The following BCL9 variants were observed in gnomAD, a reference collection of about 807,000 sequenced individuals.
BCL9 encodes BCL9 transcription coactivator, also known as B-cell CLL/lymphoma 9 protein.
BCL9 carries 25 observed loss-of-function variants against 88.5 expected under a neutral mutation model. The observed-to-expected ratio is 0.28, with a 90% CI of 0.21 to 0.39. The LOEUF is 0.39. Ranked by LOEUF, BCL9 falls within the 10% of genes least tolerant of loss-of-function variation. The pLI is 1.00. For missense variants in BCL9, 1,817 were observed against 1,877.8 expected (o/e 0.97, Z 0.60); for synonymous variants, 711 against 673.3 (o/e 1.06, Z -0.87).
At chr1:147,544,068 G>A (rs1553194048) in intron 1 of BCL9, among the ~76,000 whole-genome samples, 1 of 152,116 alleles carries the variant, frequency 6.6e-6, no homozygotes, top group African/African-American at 2.4e-5. Flanking sequence ...TCTGCAGCAG[G>A]CAAATACTGG....
intron 1 of BCL9, among the ~76,000 whole-genome samples, chr1:147,594,010 C>A (rs1553200223): frequency 6.6e-6 from 1 of 152,132 alleles, no homozygotes; most frequent in Admixed American, 6.5e-5. Context: ...AAACCCAGGT[C>A]CATATGACTC....
intron 9 of BCL9, among the ~76,000 whole-genome samples, chr1:147,623,433 T>C (rs1658753885): frequency 6.6e-6 from 1 of 152,230 alleles, no homozygotes; most frequent in South Asian, 2.1e-4. Flanking sequence ...ATTACCTGTT[T>C]AGTTTCTTTG....
chr1:147,562,728 A>C (rs1323998817), intron 1 of BCL9, among the ~76,000 whole-genome samples: 2 of 152,176 alleles, frequency 1.3e-5, no homozygotes, highest in African/African-American at 2.4e-5. Flanking sequence ...CTCTTAAGAG[A>C]AAGTGGGTGC....
At chr1:147,544,859 C>T (rs7554146) in intron 1 of BCL9, among the ~76,000 whole-genome samples, 14,398 of 152,010 alleles carry the variant, frequency 0.095, 1,654 homozygotes, top group African/African-American at 0.28. Flanking sequence ...TCTCTTCCTC[C>T]TATTTGTGGC....
chr1:147,593,260 G>A (rs1462361086), intron 1 of BCL9, among the ~76,000 whole-genome samples: 1 of 152,138 alleles, frequency 6.6e-6, no homozygotes, highest in East Asian at 1.9e-4. Context: ...CTCAAATAAT[G>A]TATCTCCTAT....
chr1:147,595,020 C>A (rs764897872), intron 1 of BCL9, among the ~76,000 whole-genome samples: 7 of 152,154 alleles, frequency 4.6e-5, no homozygotes, highest in Non-Finnish European at 1.0e-4. Flanking sequence ...GATGAGATGA[C>A]AAGGTTGGTC....
In BCL9 at chr1:147,620,491, T is replaced by C. The variant is rs587737861; in HGVS notation, c.2336T>C (p.Met779Thr). The stretch of plus-strand genomic sequence containing the variant: ...GAGCACCCCCAGCAGGAGTATGGCA[T>C]GGGCCCCAGACCATTCCTTCCCATG... The part of the protein sequence containing the change: ...FGEHPQQEYG[M>T]GPRPFLPMSQ... Residue 779 changes from methionine to threonine, a missense_variant, in exon 8 of 10, where the codon ATG becomes ACG. Transcript: ENST00000234739. 8 of 1,614,152 alleles carry C rather than the reference T, an allele frequency of 5.0e-6. No homozygotes were observed. The highest frequency in any genetic ancestry group is 4.0e-5 in the African/African-American group (3 of 75,044).
At position 147,619,829 on chromosome 1, in the gene BCL9, C is replaced by G. The variant is rs1553204772; in HGVS notation, c.1674C>G (p.Ser558Arg). The G allele has an allele frequency of 1.9e-6, 3 of 1,614,038 alleles. No individual in the cohort carries two copies. The highest frequency in any genetic ancestry group is 2.7e-5 in the African/African-American group (2 of 74,922). ...CTCCCCACCCCAACATGCCAGGGAG[C>G]CAGATGCGCCTCCCTGGATTTGCAG... Reference protein sequence around the residue: ...GMAPHPNMPGSQMRLPGFAGM... With the variant: ...GMAPHPNMPGRQMRLPGFAGM... The change falls in exon 8 of 10, where the codon AGC (serine) becomes AGG (arginine). Residue 558 changes from serine to arginine, a missense_variant. Ser to Arg is a moderately radical substitution (Grantham distance 110). Coordinates refer to ENST00000234739, the MANE Select transcript of BCL9 (RefSeq NM_004326.4). This position sits in a 1 kb window ranked among gnomAD's most constrained non-coding sequence, Gnocchi z 4.1.
Position 147,622,366 on chromosome 1 carries a change from A to G in BCL9, c.2998A>G (p.Thr1000Ala). 3 of 1,614,076 alleles carry G rather than the reference A, an allele frequency of 1.9e-6. No homozygotes were observed. The highest frequency in any genetic ancestry group is 2.5e-6 in the Non-Finnish European group (3 of 1,180,016). The change falls in exon 9 of 10, where the codon ACC becomes GCC. Residue 1000 changes from threonine (T) to alanine (A), a missense_variant. This residue lies in a region of BCL9 where 589 missense variants were observed against 686.2 expected (regional missense o/e 0.86). Transcript: ENST00000234739. ...ACCTTATACCATGCCTCCAGAGCCA[A>G]CCCTTTCCCAGAACCCACTCTCTAT... ...STPYTMPPEP[T>A]LSQNPLSIMM...
At chr1:147,555,550 A>G (rs1655069608) in intron 1 of BCL9, among the ~76,000 whole-genome samples, 2 of 152,262 alleles carry the variant, frequency 1.3e-5, no homozygotes, top group African/African-American at 4.8e-5. Context: ...ATACCAAATG[A>G]TGGAAACATA....
rs782487802 is a variant in BCL9, at chr1:147,622,473, A to G, written c.3105A>G (p.Ser1035=). 6.2e-7 allele frequency: 1 copy of G among 1,614,228 alleles called. No individual in the cohort carries two copies. The highest frequency in any genetic ancestry group is 1.1e-5 in the South Asian group (1 of 91,084). The part of the protein sequence containing the change: ...YHDAIKTVAS[S]DDDSPPARSP... ...ATGCTATCAAGACTGTGGCCAGCTCAGATGACGACTCCCCTCCAGCTCGTT... is the reference window on the plus strand; with the variant it reads ...ATGCTATCAAGACTGTGGCCAGCTCGGATGACGACTCCCCTCCAGCTCGTT... Residue 1035 remains serine, a synonymous_variant, in exon 9 of 10, where the codon TCA becomes TCG. Coordinates refer to ENST00000234739, the MANE Select transcript of BCL9 (RefSeq NM_004326.4).
chr1:147,618,641 A>AG (rs1403748122), intron 7 of BCL9, among the ~76,000 whole-genome samples, 175 bp from the exon 8 acceptor site: 1 of 151,712 alleles, frequency 6.6e-6, no homozygotes, highest in East Asian at 1.9e-4. Context: ...AGTTTAAAAA[A>AG]AAAAAAATCA....
rs202024690 is a variant in BCL9, at chr1:147,620,795, G to T, written c.2640G>T (p.Ser880=). 3 of 1,613,968 alleles carry T rather than the reference G, an allele frequency of 1.9e-6. No individual in the cohort carries two copies. Among genetic ancestry groups the T allele is most frequent in the Non-Finnish European group, 2.5e-6 (3 of 1,180,024 alleles). The change falls in exon 8 of 10, where the codon TCG becomes TCT. Residue 880 remains serine (S), a synonymous_variant. Coordinates refer to ENST00000234739, the MANE Select transcript of BCL9 (RefSeq NM_004326.4). ...QVQSPMLGSP[S]GNLKSPQTPS... ...AGTCACCAATGCTGGGCTCGCCCTC[G>T]GGGAACCTCAAGTCCCCCCAGACTC...
chr1:147,552,355 C>G (rs1173216543), intron 1 of BCL9, among the ~76,000 whole-genome samples: 1 of 152,164 alleles, frequency 6.6e-6, no homozygotes, highest in Non-Finnish European at 1.5e-5. Context: ...CACCTGTAAT[C>G]TTAGCACTTT....
chr1:147,599,908 G>T (rs1255287501), intron 1 of BCL9, among the ~76,000 whole-genome samples: 14 of 151,448 alleles, frequency 9.2e-5, no homozygotes, highest in Admixed American at 4.6e-4. Flanking sequence ...TCCCTGAAGG[G>T]GCACGAGCGA....
intron 1 of BCL9, among the ~76,000 whole-genome samples, chr1:147,571,964 C>T (rs1396939121): frequency 6.6e-6 from 1 of 152,102 alleles, no homozygotes; most frequent in Non-Finnish European, 1.5e-5. Context: ...AGAGATAAAA[C>T]ATCATGCCTG....
At chr1:147,595,421 C>G (rs782230044) in intron 1 of BCL9, among the ~76,000 whole-genome samples, 1 of 152,124 alleles carries the variant, frequency 6.6e-6, no homozygotes, top group African/African-American at 2.4e-5. Context: ...TGGGAAGAGT[C>G]CAGTAGCACA....
Position 147,626,113 on chromosome 1 carries a change from C to G in BCL9, c.*1154C>G, listed in dbSNP as rs1319070269. ...TTGTGGTTCCTTCCCTTTCCTCCCC[C>G]TCCCATGCGTAAGACGTTCTGTGTA... On this transcript the variant is annotated 3_prime_UTR_variant, in exon 10 of 10. Transcript: ENST00000234739. 2 of 215,108 alleles carry G rather than the reference C, an allele frequency of 9.3e-6. No individual in the cohort carries two copies. The highest frequency in any genetic ancestry group is 2.3e-5 in the African/African-American group (1 of 44,310). 13.3% of individuals were successfully genotyped at this position (215,108 alleles called of 1,614,324 possible). A position where few individuals can be genotyped will look rare whatever the true frequency, so the allele number is the denominator to read the frequency against.
intron 5 of BCL9, among the ~76,000 whole-genome samples, chr1:147,613,474 G>T (rs1398572533): frequency 1.3e-5 from 2 of 152,160 alleles, no homozygotes; most frequent in African/African-American, 4.8e-5. Context: ...ATCCCTGTTC[G>T]TACACGTTTC....
Sources: gnomAD v4.1 joint callset for allele counts (sites outside exome capture counted in the v4.1 genomes callset) on GRCh38, gnomAD v4.1.1 for gene constraint, gnomAD v4.1.1 regional missense constraint, Gnocchi (gnomAD v3.1) non-coding constraint, MANE v1.5 for transcripts, NCBI Gene and HGNC (gene_info 2026-07-23, HGNC 2026-07-21) for gene names.